Variants in ING4 observed in about 807,000 individuals in gnomAD.
ING4 encodes inhibitor of growth protein 4.
In ING4, 28 loss-of-function variants were observed where a neutral mutation model predicts 33.1. That is an observed-to-expected ratio of 0.85 (90% CI 0.63 to 1.16). ING4 has a LOEUF of 1.16. Ranked by LOEUF, ING4 falls within the 50% of genes most tolerant of loss-of-function variation. ING4 has a pLI of 0.00. For missense variants in ING4, 247 were observed against 314.7 expected (o/e 0.78, Z 1.63); for synonymous variants, 87 against 104.4 (o/e 0.83, Z 1.02).
chr12:6,655,397 G>C (rs571195993), intron 2 of ING4, among the ~76,000 whole-genome samples: 58 of 152,318 alleles, frequency 3.8e-4, no homozygotes, highest in African/African-American at 1.3e-3. Flanking sequence ...TGAGACTATA[G>C]ATGTTTACTA....
At chr12:6,651,440 G>C (rs1949176617) in intron 6 of ING4, 55 bp from the exon 7 acceptor site, 10 of 1,453,282 alleles carry the variant, frequency 6.9e-6, no homozygotes, top group Non-Finnish European at 8.7e-6. Context: ...AGGAAGGAGA[G>C]AAAGCCCCTC....
chr12:6,651,524 T>G (rs1949179125), intron 6 of ING4, 139 bp from the exon 7 acceptor site: 1 of 682,890 alleles, frequency 1.5e-6, no homozygotes, highest in East Asian at 2.7e-5. Flanking sequence ...GGCCAACCAG[T>G]TCCCACCATC....
intron 2 of ING4, among the ~76,000 whole-genome samples, chr12:6,654,304 G>T (rs1396667313): frequency 6.6e-6 from 1 of 150,880 alleles, no homozygotes; most frequent in African/African-American, 2.4e-5. Flanking sequence ...TAACAATTCT[G>T]CTTATCTTAC....
At chr12:6,658,889 T>C (rs1315750045) in intron 1 of ING4, among the ~76,000 whole-genome samples, 1 of 152,174 alleles carries the variant, frequency 6.6e-6, no homozygotes. Flanking sequence ...TCGCACTGCC[T>C]CAAACTGGCC....
intron 1 of ING4, among the ~76,000 whole-genome samples, chr12:6,658,872 G>T (rs1949456253): frequency 6.6e-6 from 1 of 152,088 alleles, no homozygotes; most frequent in Non-Finnish European, 1.5e-5. Flanking sequence ...TGCCCATACT[G>T]GCCTCCTCGC....
chr12:6,654,834 C>T (rs1235658053), intron 2 of ING4, among the ~76,000 whole-genome samples: 3 of 152,120 alleles, frequency 2.0e-5, no homozygotes, highest in Non-Finnish European at 2.9e-5. Flanking sequence ...AAGGGATTCT[C>T]GTGCCTCAGT....
At chr12:6,652,061 T>C (rs755146214) in intron 6 of ING4, among the ~76,000 whole-genome samples, 3 of 151,714 alleles carry the variant, frequency 2.0e-5, no homozygotes, top group Non-Finnish European at 4.4e-5. Flanking sequence ...GGTTACACTA[T>C]GTTGGCCAGG....
chr12:6,659,937 A>G (rs1445402139), intron 1 of ING4, among the ~76,000 whole-genome samples: 1 of 152,120 alleles, frequency 6.6e-6, no homozygotes, highest in Non-Finnish European at 1.5e-5. Context: ...GCAAAAGAGC[A>G]AGACTGTTTC....
At position 6,653,233 on chromosome 12, in the gene ING4, C is replaced by T. The variant is rs1592318476; in HGVS notation, c.273G>A (p.Glu91=). Reference sequence around the variant, plus strand: ...GGAGCCATGAACAGGGCCATACCATCTCATAGGTCTGCATGGCAAGCTGCA... The same window carrying T: ...GGAGCCATGAACAGGGCCATACCATTTCATAGGTCTGCATGGCAAGCTGCA... ...DKVQLAMQTY[E]MVDKHIRRLD... Residue 91 remains glutamate (E), a synonymous_variant, in exon 3 of 8, where the codon GAG becomes GAA. Transcript: ENST00000341550. 1 of 1,614,064 alleles carries T rather than the reference C, an allele frequency of 6.2e-7. No homozygotes were observed. Among genetic ancestry groups the T allele is most frequent in the Non-Finnish European group, 8.5e-7 (1 of 1,179,968 alleles).
intron 2 of ING4, among the ~76,000 whole-genome samples, chr12:6,656,227 G>A (rs1043493635): frequency 1.3e-5 from 2 of 149,982 alleles, no homozygotes; most frequent in African/African-American, 4.9e-5. Flanking sequence ...GGAGTGCAGT[G>A]ACATGTGGCA....
chr12:6,655,644 G>A, intron 2 of ING4: 2 of 1,137,418 alleles, frequency 1.8e-6, no homozygotes, highest in Non-Finnish European at 2.2e-6. Context: ...TCACCATTCG[G>A]CAGGCAGTTC....
Position 6,651,414 on chromosome 12 carries a change from G to A in ING4, c.646-29C>T, listed in dbSNP as rs1949175498. The A allele has an allele frequency of 2.5e-6, 4 of 1,575,982 alleles. No individual in the cohort carries two copies. The South Asian group carries it at 3.3e-5, about 13-fold the overall frequency. The stretch of plus-strand genomic sequence containing the variant: ...GAAGAGGAAGAAAGAAGTAGTCAGG[G>A]GCCAGGAAGGGCCAGAGGAAGGAGA... On this transcript the variant is annotated intron_variant, in intron 6 of 7. Transcript: ENST00000341550.
chr12:6,653,106 A>T (rs1230281664), intron 3 of ING4, 56 bp from the exon 4 acceptor site: 1 of 1,601,978 alleles, frequency 6.2e-7, no homozygotes, highest in Non-Finnish European at 8.6e-7. Flanking sequence ...ATTAAAGAAA[A>T]TAGGTTAAGG....
chr12:6,660,532 C>T lies in ING4; in HGVS notation c.37+2533G>A, dbSNP rs1015003005. On this transcript the variant is annotated intron_variant, in intron 1 of 7. Coordinates refer to ENST00000341550, the MANE Select transcript of ING4 (RefSeq NM_016162.4). ...CTGAGGCAGGAGAATCACTTGAACC[C>T]GGGAGGCAGAGGTTGCAGTGGGCCA... Among the ~76,000 whole-genome samples, 6 of 151,804 alleles carry T rather than the reference C, an allele frequency of 4.0e-5. No individual in the cohort carries two copies. The East Asian group carries it at 5.8e-4, about 15-fold the overall frequency.
intron 2 of ING4, among the ~76,000 whole-genome samples, chr12:6,653,796 T>C (rs1030634436): frequency 1.3e-5 from 2 of 152,232 alleles, no homozygotes; most frequent in African/African-American, 4.8e-5. Flanking sequence ...CTGCCGCAAA[T>C]CAGGCTGAGT....
chr12:6,652,187 T>C, intron 6 of ING4, 84 bp downstream of exon 6: 2 of 1,470,316 alleles, frequency 1.4e-6, no homozygotes, highest in Non-Finnish European at 1.9e-6. Flanking sequence ...GAAGTCCCAG[T>C]ACTCAACTGT....
intron 1 of ING4, among the ~76,000 whole-genome samples, chr12:6,657,511 G>C (rs1356680014): frequency 6.6e-6 from 1 of 152,108 alleles, no homozygotes. Context: ...CTGAACCTCT[G>C]GATTTATCTG....
rs1382675577 is a variant in ING4 at position 6,656,728 on chromosome 12, C to T, written c.108G>A (p.Glu36=). The T allele has an allele frequency of 1.3e-6, 2 of 1,557,128 alleles. No individual in the cohort carries two copies. The highest frequency in any genetic ancestry group is 1.7e-6 in the Non-Finnish European group (2 of 1,151,814). ...AAAAACTTTTTACTCTATACATACC[C>T]TCTGTTCTTTGGTCTAGGTCCCTCA... ...QLMRDLDQRT[E]DLKAEIDKLA... Residue 36 remains glutamate, a splice_region_variant and synonymous_variant, in exon 2 of 8, where the codon GAG becomes GAA. Transcript: ENST00000341550.
At chr12:6,651,713 T>C (rs1949185342) in intron 6 of ING4, among the ~76,000 whole-genome samples, 1 of 152,086 alleles carries the variant, frequency 6.6e-6, no homozygotes, top group African/African-American at 2.4e-5. Flanking sequence ...GGCTAATTTT[T>C]GTATTTTTAG....
Sources: gnomAD v4.1 joint callset for allele counts (sites outside exome capture counted in the v4.1 genomes callset) on GRCh38, gnomAD v4.1.1 for gene constraint, MANE v1.5 for transcripts, NCBI Gene and HGNC (gene_info 2026-07-23, HGNC 2026-07-21) for gene names.